Variants in ST6GALNAC3 observed in about 807,000 individuals in gnomAD.
ST6GALNAC3 encodes the protein alpha-N-acetylgalactosaminide alpha-2,6-sialyltransferase 3.
Under a neutral mutation model 32.7 loss-of-function variants are expected in ST6GALNAC3, and 25 were observed. The observed-to-expected ratio is 0.76, with a 90% CI of 0.56 to 1.07. ST6GALNAC3 has a LOEUF of 1.07. Among genes scored for constraint, ST6GALNAC3 ranks in the 50% least tolerant of loss-of-function variants. The pLI is 0.00. For synonymous variants in ST6GALNAC3, 129 were observed against 133.1 expected (o/e 0.97, Z 0.21); for missense variants, 355 against 382.4 (o/e 0.93, Z 0.60).
intron 3 of ST6GALNAC3, among the ~76,000 whole-genome samples, chr1:76,460,722 A>C (rs1658223731): frequency 6.6e-6 from 1 of 152,318 alleles, no homozygotes; most frequent in South Asian, 2.1e-4. Context: ...ATAACCCAAA[A>C]CAGCAGCCTG....
chr1:76,443,462 G>A (rs12084698), intron 3 of ST6GALNAC3, among the ~76,000 whole-genome samples: 1 of 152,262 alleles, frequency 6.6e-6, no homozygotes, highest in African/African-American at 2.4e-5. Context: ...GGACGCTATC[G>A]GTTCATTCAG....
intron 3 of ST6GALNAC3, among the ~76,000 whole-genome samples, chr1:76,516,352 A>G (rs1278818905): frequency 6.6e-6 from 1 of 152,116 alleles, no homozygotes; most frequent in Non-Finnish European, 1.5e-5. Context: ...TTTGCTTTTG[A>G]TGAGCATATG....
At chr1:76,328,868 C>T (rs1420492478) in intron 2 of ST6GALNAC3, among the ~76,000 whole-genome samples, 1 of 152,140 alleles carries the variant, frequency 6.6e-6, no homozygotes, top group African/African-American at 2.4e-5. Context: ...AGCAGATTTG[C>T]CTTTGATATC....
chr1:76,281,883 T>C (rs1570680627), intron 1 of ST6GALNAC3, among the ~76,000 whole-genome samples: 1 of 152,148 alleles, frequency 6.6e-6, no homozygotes, highest in Non-Finnish European at 1.5e-5. Context: ...GAAACATCTA[T>C]TGAGGTCATA....
chr1:76,191,560 A>G (rs1230879294), intron 1 of ST6GALNAC3, among the ~76,000 whole-genome samples: 1 of 152,204 alleles, frequency 6.6e-6, no homozygotes, highest in East Asian at 1.9e-4. Context: ...TGATAAATAC[A>G]TGAGGTGATG....
At chr1:76,290,991 C>T (rs762482703) in intron 1 of ST6GALNAC3, among the ~76,000 whole-genome samples, 2 of 152,094 alleles carry the variant, frequency 1.3e-5, no homozygotes, top group African/African-American at 4.8e-5. Context: ...AAAGGTCCAA[C>T]TGAGAAATGT....
chr1:76,153,690 T>C (rs1651199930), intron 1 of ST6GALNAC3, among the ~76,000 whole-genome samples: 1 of 152,184 alleles, frequency 6.6e-6, no homozygotes, highest in African/African-American at 2.4e-5. Flanking sequence ...TTTAAACATA[T>C]CTATATTTTG....
chr1:76,511,139 A>G (rs1158654830), intron 3 of ST6GALNAC3, among the ~76,000 whole-genome samples: 2 of 152,146 alleles, frequency 1.3e-5, no homozygotes, highest in South Asian at 2.1e-4. Flanking sequence ...CTTCCTATCT[A>G]GTGTCCCTGC....
chr1:76,571,401 G>A (rs916490703), intron 3 of ST6GALNAC3, among the ~76,000 whole-genome samples: 2 of 151,876 alleles, frequency 1.3e-5, no homozygotes, highest in African/African-American at 2.4e-5. Context: ...GGCAACTTCC[G>A]CACTTATAAG....
At chr1:76,479,125 C>T (rs1373156927) in intron 3 of ST6GALNAC3, among the ~76,000 whole-genome samples, 1 of 152,034 alleles carries the variant, frequency 6.6e-6, no homozygotes, top group Non-Finnish European at 1.5e-5. Flanking sequence ...ATTATAGAGA[C>T]ATGTAACAGA....
chr1:76,591,650 G>A (rs1461923523), intron 3 of ST6GALNAC3, among the ~76,000 whole-genome samples: 1 of 152,208 alleles, frequency 6.6e-6, no homozygotes, highest in African/African-American at 2.4e-5. Context: ...GTGAGGGAAA[G>A]AGATAAGAAG....
chr1:76,441,635 C>T (rs1175124320), intron 3 of ST6GALNAC3, among the ~76,000 whole-genome samples: 1 of 152,158 alleles, frequency 6.6e-6, no homozygotes, highest in Admixed American at 6.5e-5. Context: ...TCCAATTACA[C>T]TCTTTTAGTT....
At chr1:76,555,655 G>A (rs939587595) in intron 3 of ST6GALNAC3, among the ~76,000 whole-genome samples, 4 of 152,104 alleles carry the variant, frequency 2.6e-5, no homozygotes, top group African/African-American at 9.7e-5. Context: ...GCTATTGATA[G>A]ACTGAAGAAC....
intron 1 of ST6GALNAC3, among the ~76,000 whole-genome samples, chr1:76,077,641 A>T (rs1342549834): frequency 6.6e-6 from 1 of 152,104 alleles, no homozygotes; most frequent in Non-Finnish European, 1.5e-5. Context: ...AAAATAGGTG[A>T]GTGTTTTTAC....
At chr1:76,128,463 A>G (rs1279997153) in intron 1 of ST6GALNAC3, among the ~76,000 whole-genome samples, 1 of 152,214 alleles carries the variant, frequency 6.6e-6, no homozygotes, top group East Asian at 1.9e-4. Context: ...AGAAGAATCT[A>G]GGAGCCAGTG....
intron 1 of ST6GALNAC3, among the ~76,000 whole-genome samples, chr1:76,306,509 A>G (rs1012154135): frequency 1.3e-5 from 2 of 152,160 alleles, no homozygotes; most frequent in African/African-American, 2.4e-5. Context: ...ACCTTCAGAC[A>G]TGGTTATAGT....
intron 3 of ST6GALNAC3, among the ~76,000 whole-genome samples, chr1:76,599,624 T>G (rs1483352756): frequency 6.6e-6 from 1 of 152,056 alleles, no homozygotes; most frequent in East Asian, 1.9e-4. Flanking sequence ...AAAATCAAGT[T>G]TAATTCAATC....
chr1:76,390,351 C>T (rs1174774114), intron 2 of ST6GALNAC3, among the ~76,000 whole-genome samples: 1 of 152,162 alleles, frequency 6.6e-6, no homozygotes, highest in Non-Finnish European at 1.5e-5. Flanking sequence ...TAATCTGAGC[C>T]AGTAAGACGG....
chr1:76,516,721 TGA>T (rs1662194627), intron 3 of ST6GALNAC3, among the ~76,000 whole-genome samples: 3 of 152,116 alleles, frequency 2.0e-5, no homozygotes, highest in Non-Finnish European at 4.4e-5. Flanking sequence ...CCTCTGCTAG[TGA>T]GTTAACAAAC....
Sources: allele counts gnomAD v4.1 joint callset (sites outside exome capture counted in the v4.1 genomes callset), GRCh38; gene constraint gnomAD v4.1.1; transcripts MANE v1.5; gene names NCBI Gene and HGNC (gene_info 2026-07-23, HGNC 2026-07-21).